The following EML6 variants were observed in gnomAD, a reference collection of about 807,000 sequenced individuals.
EML6 encodes echinoderm microtubule-associated protein-like 6.
A neutral mutation model predicts 240.1 loss-of-function variants in EML6; 154 were observed. The observed-to-expected ratio is 0.64, with a 90% CI of 0.56 to 0.73. EML6 has a LOEUF of 0.73. EML6 is among the 30% of genes least tolerant of loss of function. The pLI is 0.00. For synonymous variants in EML6, 1,148 were observed against 899.0 expected, an observed-to-expected ratio of 1.28 and a Z score of -4.95; for missense variants, 2,964 against 2,474.6, an observed-to-expected ratio of 1.20 and a Z score of -4.20.
At chr2:54,921,832 C>A (rs1252824897) in intron 26 of EML6, among the ~76,000 whole-genome samples, 1 of 152,080 alleles carries the variant, frequency 6.6e-6, no homozygotes, top group East Asian at 1.9e-4. Flanking sequence ...AAGGAGAAGA[C>A]AGTCTCTTCA....
chr2:54,803,841 C>G (rs1670310496), intron 2 of EML6, among the ~76,000 whole-genome samples: 1 of 152,186 alleles, frequency 6.6e-6, no homozygotes, highest in South Asian at 2.1e-4. Context: ...GTGTGAAATA[C>G]AGCTGGTCAC....
chr2:54,871,192 G>A (rs886194539), intron 15 of EML6, among the ~76,000 whole-genome samples: 9 of 152,190 alleles, frequency 5.9e-5, no homozygotes, highest in African/African-American at 1.9e-4. Context: ...TGGGAAGGCA[G>A]GAGAGGGAAT....
In EML6 at chr2:54,900,653, C is replaced by T. The variant is rs371613449; in HGVS notation, c.3124+871C>T. Among the ~76,000 whole-genome samples the T allele has an allele frequency of 1.7e-4, 26 of 152,296 alleles. 1 individual carries two copies. The South Asian group carries it at 4.4e-3, about 25-fold the overall frequency. On this transcript the variant is annotated intron_variant, in intron 22 of 41. Coordinates refer to ENST00000356458, the MANE Select transcript of EML6 (RefSeq NM_001039753.4). Reference sequence around the variant, plus strand: ...GGGAGGCAGCCAGGGAAATAAATGGCCCGGCCTCCCTATTCTTCCTCCATC... The same window carrying T: ...GGGAGGCAGCCAGGGAAATAAATGGTCCGGCCTCCCTATTCTTCCTCCATC...
At chr2:54,902,077 T>C (rs1484613629) in intron 22 of EML6, among the ~76,000 whole-genome samples, 1 of 152,204 alleles carries the variant, frequency 6.6e-6, no homozygotes, top group African/African-American at 2.4e-5. Context: ...TCTAGAGTTA[T>C]ACATTACAAT....
intron 2 of EML6, among the ~76,000 whole-genome samples, chr2:54,792,299 C>T (rs1329196802): frequency 6.6e-6 from 1 of 152,156 alleles, no homozygotes; most frequent in Non-Finnish European, 1.5e-5. Context: ...CTGGGCTTCC[C>T]CTATATTATT....
intron 2 of EML6, among the ~76,000 whole-genome samples, chr2:54,794,140 C>T (rs977709384): frequency 5.9e-5 from 9 of 152,126 alleles, no homozygotes; most frequent in African/African-American, 1.2e-4. Flanking sequence ...ATCCCCATTT[C>T]GGACAAATAT....
chr2:54,944,133 C>A (rs552676978), intron 28 of EML6, among the ~76,000 whole-genome samples: 2 of 152,188 alleles, frequency 1.3e-5, no homozygotes, highest in African/African-American at 4.8e-5. Context: ...CTTAATTAAT[C>A]TTTTATATCC....
At chr2:54,878,466 C>G (rs544052530) in intron 16 of EML6, among the ~76,000 whole-genome samples, 29 of 152,288 alleles carry the variant, frequency 1.9e-4, no homozygotes, top group African/African-American at 7.0e-4. Flanking sequence ...TCTAGCCTTG[C>G]AGGAAGGCAG....
chr2:54,953,612 C>T (rs1484806127), intron 31 of EML6, among the ~76,000 whole-genome samples: 1 of 152,078 alleles, frequency 6.6e-6, no homozygotes, highest in South Asian at 2.1e-4. Flanking sequence ...CTTTTGCAGG[C>T]CGGGCGGCAG....
At position 54,743,654 on chromosome 2, in the gene EML6, G is replaced by T. The variant is rs145854032; in HGVS notation, c.197+18396G>T. Among the ~76,000 whole-genome samples the T allele has an allele frequency of 4.6e-4, 70 of 152,196 alleles. No individual in the cohort carries two copies. The East Asian group carries it at 0.012, about 27-fold the overall frequency. The stretch of plus-strand genomic sequence containing the variant: ...AGAAGCCCATAGTGAAAAATGTTAA[G>T]CTAGAGTTGTAGTCTCTAAACTTTT... On this transcript the variant is annotated intron_variant, in intron 2 of 41. Coordinates refer to ENST00000356458, the MANE Select transcript of EML6 (RefSeq NM_001039753.4).
chr2:54,960,465 T>C (rs1558728986), intron 35 of EML6, 131 bp downstream of exon 35: 4 of 673,636 alleles, frequency 5.9e-6, no homozygotes, highest in African/African-American at 1.8e-5. Flanking sequence ...AATTGTGCTG[T>C]AGTGGGAAGC....
At chr2:54,851,084 C>T (rs1558612343) in intron 10 of EML6, among the ~76,000 whole-genome samples, 2 of 152,118 alleles carry the variant, frequency 1.3e-5, no homozygotes, top group Non-Finnish European at 2.9e-5. Context: ...ATGTTGGTTA[C>T]CGCTGAGAAG....
intron 2 of EML6, among the ~76,000 whole-genome samples, chr2:54,736,277 T>C (rs528988974): frequency 6.6e-6 from 1 of 152,336 alleles, no homozygotes; most frequent in African/African-American, 2.4e-5. Context: ...TCACTTTGTT[T>C]TTATTAACCT....
chr2:54,920,397 A>G (rs1674160202), intron 26 of EML6, among the ~76,000 whole-genome samples: 1 of 152,214 alleles, frequency 6.6e-6, no homozygotes. Flanking sequence ...ATGCCAACAA[A>G]TTGGATAACC....
chr2:54,951,702 GAA>G (rs11355745), intron 30 of EML6, among the ~76,000 whole-genome samples: 10,653 of 147,112 alleles, frequency 0.072, 633 homozygotes, highest in South Asian at 0.2. Context: ...CATGCCTCAA[GAA>G]AAAAAAAAAA....
At chr2:54,896,470 A>G (rs1389871684) in intron 21 of EML6, among the ~76,000 whole-genome samples, 1 of 152,234 alleles carries the variant, frequency 6.6e-6, no homozygotes, top group Non-Finnish European at 1.5e-5. Flanking sequence ...CCAAGAAATG[A>G]TAAAATCTCA....
intron 7 of EML6, among the ~76,000 whole-genome samples, chr2:54,832,088 G>T (rs1259221706): frequency 6.6e-6 from 1 of 152,174 alleles, no homozygotes; most frequent in African/African-American, 2.4e-5. Flanking sequence ...AGGCCACTGT[G>T]TATCATCAAG....
In EML6 at chr2:54,970,244, A is replaced by C. The variant is rs1224933860; in HGVS notation, c.*149A>C. 1 of 754,528 alleles carries C rather than the reference A, an allele frequency of 1.3e-6. No individual in the cohort carries two copies. The highest frequency in any genetic ancestry group is 2.3e-6 in the Non-Finnish European group (1 of 441,156). 46.7% of individuals were successfully genotyped at this position (754,528 alleles called of 1,614,324 possible). Reference sequence around the variant, plus strand: ...AAGCTCAAAACGCTGCAGAAGTTACACAACTGCTCCCATAATCTGGACTCT... The same window carrying C: ...AAGCTCAAAACGCTGCAGAAGTTACCCAACTGCTCCCATAATCTGGACTCT... On this transcript the variant is annotated 3_prime_UTR_variant, in exon 42 of 42. Transcript: ENST00000356458.
chr2:54,813,517 A>G (rs1326272652), intron 3 of EML6, 126 bp downstream of exon 3: 7 of 820,052 alleles, frequency 8.5e-6, no homozygotes, highest in African/African-American at 7.0e-5. Flanking sequence ...AGCCTCCTAG[A>G]ATTTTTCACC....
Sources: allele counts gnomAD v4.1 joint callset (sites outside exome capture counted in the v4.1 genomes callset), GRCh38; gene constraint gnomAD v4.1.1; transcripts MANE v1.5; gene names NCBI Gene and HGNC (gene_info 2026-07-23, HGNC 2026-07-21).